The following TGFBR2 variants were observed in gnomAD, a reference collection of about 807,000 sequenced individuals.
TGFBR2 encodes the protein TGF-beta receptor type-2.
TGFBR2 carries 18 observed loss-of-function variants against 49.0 expected under a neutral mutation model. The ratio of observed to expected loss-of-function variants is 0.37; its 90% CI spans 0.25 to 0.54. The LOEUF is 0.54. Ranked by LOEUF, TGFBR2 falls within the 20% of genes least tolerant of loss-of-function variation. The probability of loss-of-function intolerance (pLI) is 0.85; values close to 1 mark genes in which losing one functional copy is unlikely to be tolerated. For synonymous variants in TGFBR2, 282 were observed against 275.9 expected (o/e 1.02, Z -0.22); for missense variants, 525 against 722.6 (o/e 0.73, Z 3.13).
chr3:30,649,094 A>G (rs1200970291), intron 2 of TGFBR2, among the ~76,000 whole-genome samples: 2 of 152,164 alleles, frequency 1.3e-5, no homozygotes, highest in African/African-American at 4.8e-5. Context: ...GCATTGGCTC[A>G]TGTGTGCACT....
At chr3:30,657,150 A>T (rs1699016715) in intron 3 of TGFBR2, among the ~76,000 whole-genome samples, 1 of 152,360 alleles carries the variant, frequency 6.6e-6, no homozygotes, top group South Asian at 2.1e-4. Flanking sequence ...TAGAAGAACC[A>T]GATAATCTTG....
In TGFBR2 at chr3:30,691,570, GAA is replaced by G. The variant is rs2125455762; in HGVS notation, c.1676_1677del (p.Glu559GlyfsTer38). 1.2e-6 allele frequency: 2 copies of G among 1,614,130 alleles called. No homozygotes were observed. The highest frequency in any genetic ancestry group is 1.7e-6 in the Non-Finnish European group (2 of 1,179,994). On this transcript the variant is annotated frameshift_variant, in exon 7 of 7. Coordinates refer to ENST00000295754, the MANE Select transcript of TGFBR2 (RefSeq NM_003242.6). LOFTEE classifies it high-confidence loss of function. ...GAGCTGCTCGGAGGAGAAGATTCCT[GAA>G]GACGGCTCCCTAAACACTACCAAAT... is the stretch of plus-strand genomic sequence containing the variant. ...GRSCSEEKIP[E>X]DGSLNTTK
At chr3:30,678,541 G>C (rs1322850564) in intron 5 of TGFBR2, among the ~76,000 whole-genome samples, 1 of 83,546 alleles carries the variant, frequency 1.2e-5, no homozygotes, top group Non-Finnish European at 2.3e-5. Flanking sequence ...GAGCAAGACT[G>C]CGTCTAAAAA....
At chr3:30,662,343 C>T (rs959577428) in intron 3 of TGFBR2, among the ~76,000 whole-genome samples, 2 of 152,120 alleles carry the variant, frequency 1.3e-5, no homozygotes, top group Non-Finnish European at 2.9e-5. Context: ...AAGAGATTAT[C>T]ATACTGGATT....
At chr3:30,691,306 C>T in intron 6 of TGFBR2, 114 bp from the exon 7 acceptor site, 29 of 1,162,740 alleles carry the variant, frequency 2.5e-5, no homozygotes, top group Non-Finnish European at 3.6e-5. Context: ...GTTAAATGCA[C>T]AGGCACTTTT....
At chr3:30,681,612 G>A (rs1699542325) in intron 5 of TGFBR2, among the ~76,000 whole-genome samples, 1 of 152,184 alleles carries the variant, frequency 6.6e-6, no homozygotes, top group Non-Finnish European at 1.5e-5. Context: ...GAGGTGGCGG[G>A]AGGGAGATGG....
chr3:30,671,614 C>G, intron 3 of TGFBR2, 24 bp from the exon 4 acceptor site: 3 of 1,613,850 alleles, frequency 1.9e-6, no homozygotes, highest in Non-Finnish European at 2.5e-6. Flanking sequence ...AACTCCTTCT[C>G]TCCTTGTTTT....
intron 1 of TGFBR2, 123 bp downstream of exon 1, chr3:30,607,100 C>T: frequency 1.3e-6 from 1 of 758,764 alleles, no homozygotes; most frequent in Middle Eastern, 2.9e-4. Context: ...AGGAAAGTTT[C>T]CCCCGCGACA....
At chr3:30,652,783 C>T (rs1031900103) in intron 3 of TGFBR2, among the ~76,000 whole-genome samples, 3 of 152,182 alleles carry the variant, frequency 2.0e-5, no homozygotes, top group African/African-American at 7.2e-5. Flanking sequence ...AGTTTATTTC[C>T]TCCAAAAGGA....
In TGFBR2 at chr3:30,644,815, G is replaced by T; in HGVS notation, c.163G>T (p.Asp55Tyr). 1 of 1,614,158 alleles carries T rather than the reference G, an allele frequency of 6.2e-7. No homozygotes were observed. ...VKFPQLCKFC[D>Y]VRFSTCDNQK... is the part of the protein sequence containing the mutation. ...GTTTCCACAACTGTGTAAATTTTGT[G>T]ATGTGAGATTTTCCACCTGTGACAA... Residue 55 changes from aspartate to tyrosine, a missense_variant, in exon 2 of 7, where the codon GAT (aspartate) becomes TAT (tyrosine). Coordinates refer to ENST00000295754, the MANE Select transcript of TGFBR2 (RefSeq NM_003242.6).
chr3:30,686,820 T>C (rs1699630976), intron 5 of TGFBR2, among the ~76,000 whole-genome samples: 1 of 152,248 alleles, frequency 6.6e-6, no homozygotes, highest in Non-Finnish European at 1.5e-5. Context: ...CTGTTTACAC[T>C]ATATTAATCT....
chr3:30,657,835 T>C (rs1233225708), intron 3 of TGFBR2, among the ~76,000 whole-genome samples: 1 of 152,158 alleles, frequency 6.6e-6, no homozygotes, highest in Non-Finnish European at 1.5e-5. Context: ...ATGTTTACTG[T>C]AAAGAATGTG....
At position 30,606,765 on chromosome 3, in the gene TGFBR2, G is replaced by A. The variant is rs371046249; in HGVS notation, c.-119G>A. The A allele has an allele frequency of 2.3e-5, 17 of 723,864 alleles. No homozygotes were observed. The highest frequency in any genetic ancestry group is 3.4e-5 in the East Asian group (1 of 29,176). 44.8% of individuals were successfully genotyped at this position (723,864 alleles called of 1,614,324 possible). A position where few individuals can be genotyped will look rare whatever the true frequency, so the allele number is the denominator to read the frequency against. ...GGCGCCACATCTGGCCCGCACATCT[G>A]CGCTGCCGGCCCGGCGCGGGGTCCG... On this transcript the variant is annotated 5_prime_UTR_variant, in exon 1 of 7. Coordinates refer to ENST00000295754, the MANE Select transcript of TGFBR2 (RefSeq NM_003242.6).
At chr3:30,639,313 G>T (rs1370643591) in intron 1 of TGFBR2, among the ~76,000 whole-genome samples, 1 of 152,186 alleles carries the variant, frequency 6.6e-6, no homozygotes, top group Non-Finnish European at 1.5e-5. Flanking sequence ...GTATGTTGTA[G>T]ATGTGATTAA....
At chr3:30,669,015 C>T (rs922292217) in intron 3 of TGFBR2, among the ~76,000 whole-genome samples, 6 of 151,038 alleles carry the variant, frequency 4.0e-5, no homozygotes, top group South Asian at 2.1e-4. Flanking sequence ...CAGTGGCTCA[C>T]GCCTGTAATC....
intron 1 of TGFBR2, among the ~76,000 whole-genome samples, chr3:30,635,120 A>T (rs1698506066): frequency 6.6e-6 from 1 of 152,204 alleles, no homozygotes. Context: ...GCTTTCAGAA[A>T]TTTGTTTTAT....
intron 1 of TGFBR2, among the ~76,000 whole-genome samples, chr3:30,616,807 A>G (rs1239497805): frequency 6.6e-6 from 1 of 152,154 alleles, no homozygotes; most frequent in East Asian, 1.9e-4. Context: ...AAAAAACCAT[A>G]GCTATTTTGA....
intron 1 of TGFBR2, among the ~76,000 whole-genome samples, chr3:30,622,552 T>C (rs537194239): frequency 6.6e-6 from 1 of 151,746 alleles, no homozygotes; most frequent in African/African-American, 2.4e-5. Flanking sequence ...AAAAAAGTCA[T>C]GAAAATAGTC....
chr3:30,654,917 C>T (rs1164292908), intron 3 of TGFBR2, among the ~76,000 whole-genome samples: 3 of 152,116 alleles, frequency 2.0e-5, no homozygotes, highest in Non-Finnish European at 4.4e-5. Flanking sequence ...GAACACTGAG[C>T]GAAGAGGTGA....
Sources: allele counts gnomAD v4.1 joint callset (sites outside exome capture counted in the v4.1 genomes callset), GRCh38; gene constraint gnomAD v4.1.1; transcripts MANE v1.5; gene names NCBI Gene and HGNC (gene_info 2026-07-23, HGNC 2026-07-21).